The following DGKI variants were observed in gnomAD, a reference collection of about 807,000 sequenced individuals.
The protein encoded by DGKI is diacylglycerol kinase iota, also known as DAG kinase iota.
DGKI carries 55 observed loss-of-function variants against 147.5 expected under a neutral mutation model. That is an observed-to-expected ratio of 0.37 (90% CI 0.30 to 0.47). The LOEUF (loss-of-function observed/expected upper bound fraction) is 0.47. Ranked by LOEUF, DGKI falls within the 20% of genes least tolerant of loss-of-function variation. The pLI is 1.00. For synonymous variants in DGKI, 469 were observed against 477.1 expected (o/e 0.98, Z 0.22); for missense variants, 1,007 against 1,323.8 (o/e 0.76, Z 3.71).
In DGKI at chr7:137,595,858, C is replaced by T. The variant is rs193302563; in HGVS notation, c.1311+1989G>A. Among the ~76,000 whole-genome samples, 25 of 151,376 alleles carry T rather than the reference C, an allele frequency of 1.7e-4. No individual in the cohort carries two copies. The East Asian group carries it at 4.9e-3, about 30-fold the overall frequency. Reference sequence around the variant, plus strand: ...CTCTACTAAAAATACAAAAATTAGCCCGCTGTGGTGGCACGTGCCTGTAGT... The same window carrying T: ...CTCTACTAAAAATACAAAAATTAGCTCGCTGTGGTGGCACGTGCCTGTAGT... On this transcript the variant is annotated intron_variant, in intron 12 of 32. Coordinates refer to ENST00000614521, the MANE Select transcript of DGKI (RefSeq NM_001321708.2).
chr7:137,723,237 T>C (rs992193671), intron 1 of DGKI, among the ~76,000 whole-genome samples: 1 of 152,186 alleles, frequency 6.6e-6, no homozygotes, highest in East Asian at 1.9e-4. Flanking sequence ...GTCTAAAGGG[T>C]AGCTGAAGAT....
intron 1 of DGKI, among the ~76,000 whole-genome samples, chr7:137,785,902 C>G (rs1218068997): frequency 6.6e-6 from 1 of 152,098 alleles, no homozygotes; most frequent in African/African-American, 2.4e-5. Flanking sequence ...GCAGAAAAAG[C>G]ATTTGACAAA....
chr7:137,477,473 A>T (rs980663724), intron 23 of DGKI, among the ~76,000 whole-genome samples: 3 of 152,198 alleles, frequency 2.0e-5, no homozygotes, highest in Non-Finnish European at 4.4e-5. Flanking sequence ...CAACCTAAAA[A>T]TGCCATCCAT....
rs546227064 is a variant in DGKI at position 137,656,387 on chromosome 7, G to T, written c.681+79C>A. The T allele has an allele frequency of 1.0e-5, 15 of 1,478,050 alleles. 1 individual carries two copies. In the South Asian group the frequency reaches 1.2e-4, roughly 12 times the overall value. 91.6% of individuals were successfully genotyped at this position (1,478,050 alleles called of 1,614,324 possible). ...TAAGGGCATTGTTTTCAAAAAGTTGGAACTGGAAATTTACACCGGGCCTCT... is the reference window on the plus strand; with the variant it reads ...TAAGGGCATTGTTTTCAAAAAGTTGTAACTGGAAATTTACACCGGGCCTCT... On this transcript the variant is annotated intron_variant, in intron 4 of 32. Coordinates refer to ENST00000614521, the MANE Select transcript of DGKI (RefSeq NM_001321708.2).
chr7:137,637,394 C>T (rs1381672856), intron 6 of DGKI, among the ~76,000 whole-genome samples: 1 of 152,208 alleles, frequency 6.6e-6, no homozygotes, highest in South Asian at 2.1e-4. Context: ...AAAAGGAAAA[C>T]TGTCCTCTCA....
intron 1 of DGKI, among the ~76,000 whole-genome samples, chr7:137,839,098 C>T (rs1284263224): frequency 5.3e-5 from 8 of 152,224 alleles, no homozygotes; most frequent in Non-Finnish European, 1.0e-4. Flanking sequence ...GCTTCCTGCT[C>T]TCAGATGACC....
chr7:137,403,868 A>G (rs562125235), intron 30 of DGKI, among the ~76,000 whole-genome samples: 1 of 152,092 alleles, frequency 6.6e-6, no homozygotes, highest in Non-Finnish European at 1.5e-5. Flanking sequence ...TTTCATTTAC[A>G]TGAATTCAAA....
In DGKI at chr7:137,541,887, GA is replaced by G. The variant is rs376566527; in HGVS notation, c.2147+10481del. Among the ~76,000 whole-genome samples the G allele has an allele frequency of 6.5e-3, 924 of 142,426 alleles. 2 individuals are homozygous for G. The highest frequency in any genetic ancestry group is 7.9e-3 in the Non-Finnish European group (514 of 64,848). The allele number at this position is 142,426 out of a possible 152,430, so 93.4% of individuals were successfully genotyped here. A position where few individuals can be genotyped will look rare whatever the true frequency, so the allele number is the denominator to read the frequency against. On this transcript the variant is annotated intron_variant, in intron 20 of 32. Transcript: ENST00000614521. ...AATACCAAAACCACAACTCTATAAA[GA>G]AAAAAAAAAATCATCTGGATTCTGT...
chr7:137,723,744 C>T (rs1221142269), intron 1 of DGKI, among the ~76,000 whole-genome samples: 2 of 110,946 alleles, frequency 1.8e-5, no homozygotes, highest in Non-Finnish European at 1.7e-5. Flanking sequence ...GAGTCTTTCT[C>T]TGTCACCCAG....
chr7:137,483,974 T>C (rs1585159364), intron 23 of DGKI, among the ~76,000 whole-genome samples: 1 of 152,056 alleles, frequency 6.6e-6, no homozygotes, highest in African/African-American at 2.4e-5. Flanking sequence ...AAAGTTGTGC[T>C]CTATCTAAAA....
intron 12 of DGKI, among the ~76,000 whole-genome samples, chr7:137,589,309 C>T (rs531996771): frequency 3.3e-5 from 5 of 152,314 alleles, no homozygotes; most frequent in South Asian, 4.1e-4. Flanking sequence ...AAAACTTGCT[C>T]GTCTACCAAT....
intron 1 of DGKI, among the ~76,000 whole-genome samples, chr7:137,726,673 AAAC>A (rs1322763001): frequency 6.6e-6 from 1 of 152,242 alleles, no homozygotes; most frequent in East Asian, 1.9e-4. Context: ...GCAAAATCAC[AAAC>A]AACCCTGGTT....
chr7:137,677,163 T>C (rs1823064244), intron 3 of DGKI, among the ~76,000 whole-genome samples: 2 of 152,196 alleles, frequency 1.3e-5, no homozygotes, highest in Non-Finnish European at 1.5e-5. Context: ...TAATTAAAAA[T>C]ACATATGCAT....
chr7:137,747,158 G>A (rs369380757), intron 1 of DGKI, among the ~76,000 whole-genome samples: 1 of 151,964 alleles, frequency 6.6e-6, no homozygotes, highest in Admixed American at 6.6e-5. Flanking sequence ...CACCAATTTT[G>A]ATTGAAGTTA....
intron 1 of DGKI, among the ~76,000 whole-genome samples, chr7:137,702,857 A>G (rs1241145416): frequency 6.6e-6 from 1 of 152,216 alleles, no homozygotes; most frequent in East Asian, 1.9e-4. Flanking sequence ...TTTGTTGAAA[A>G]CAATCAGTTA....
chr7:137,467,776 T>A (rs747940959), intron 24 of DGKI, among the ~76,000 whole-genome samples: 6 of 151,714 alleles, frequency 4.0e-5, no homozygotes, highest in African/African-American at 7.3e-5. Flanking sequence ...AAGCCAGGAG[T>A]CTGAGACCAG....
At chr7:137,432,181 T>C (rs1813104517) in intron 28 of DGKI, among the ~76,000 whole-genome samples, 1 of 152,186 alleles carries the variant, frequency 6.6e-6, no homozygotes, top group Non-Finnish European at 1.5e-5. Context: ...CTGTATAGCC[T>C]GTGGAACCAT....
At chr7:137,425,367 A>G (rs1306365554) in intron 28 of DGKI, among the ~76,000 whole-genome samples, 4 of 152,248 alleles carry the variant, frequency 2.6e-5, no homozygotes, top group Admixed American at 1.3e-4. Flanking sequence ...ACTAACAAAC[A>G]GAAAGGACAT....
In DGKI at chr7:137,463,655, G is replaced by A. The variant is rs376411770; in HGVS notation, c.2613-44C>T. The A allele has an allele frequency of 3.8e-6, 6 of 1,593,422 alleles. No homozygotes were observed. The African/African-American group carries it at 8.1e-5, about 21-fold the overall frequency. On this transcript the variant is annotated intron_variant, in intron 26 of 32. Coordinates refer to ENST00000614521, the MANE Select transcript of DGKI (RefSeq NM_001321708.2). Reference sequence around the variant, plus strand: ...CCAGACAGTTAAACATTCAAAGTCAGCCACGTGACTTCGTTTCCACTTTCT... The same window carrying A: ...CCAGACAGTTAAACATTCAAAGTCAACCACGTGACTTCGTTTCCACTTTCT...
Sources: allele counts gnomAD v4.1 joint callset (sites outside exome capture counted in the v4.1 genomes callset), GRCh38; gene constraint gnomAD v4.1.1; transcripts MANE v1.5; gene names NCBI Gene and HGNC (gene_info 2026-07-23, HGNC 2026-07-21).